The following NLN variants were observed in gnomAD, a reference collection of about 807,000 sequenced individuals.
NLN encodes neurolysin, mitochondrial.
A neutral mutation model predicts 79.9 loss-of-function variants in NLN; 64 were observed. The ratio of observed to expected loss-of-function variants is 0.80; its 90% CI spans 0.65 to 0.99. NLN has a LOEUF of 0.99. Ranked by LOEUF, NLN falls within the 50% of genes least tolerant of loss-of-function variation. The pLI, the probability that NLN is intolerant of heterozygous loss-of-function variation, is 0.00. For missense variants in NLN, 835 were observed against 858.7 expected (o/e 0.97, Z 0.34); for synonymous variants, 267 against 296.6 (o/e 0.90, Z 1.02).
chr5:65,791,870 G>A (rs931561115), intron 8 of NLN, among the ~76,000 whole-genome samples: 1 of 152,184 alleles, frequency 6.6e-6, no homozygotes, highest in Non-Finnish European at 1.5e-5. Flanking sequence ...ATACGACACT[G>A]TACAAGAATA....
In NLN at chr5:65,758,721, G is replaced by A; in HGVS notation, c.196G>A (p.Val66Met). The change falls in exon 2 of 13, where the codon GTG (valine) becomes ATG (methionine). Residue 66 changes from valine to methionine, a missense_variant. Coordinates refer to ENST00000380985, the MANE Select transcript of NLN (RefSeq NM_020726.5). ...TAAAACAAGAACTGAGGAGCTCATT[G>A]TGCAGACCAAACAGGTGTACGATGC... is the stretch of plus-strand genomic sequence containing the variant. ...QIKTRTEELIVQTKQVYDAVG... is the reference protein window; with the variant it reads ...QIKTRTEELIMQTKQVYDAVG... 1 of 1,613,820 alleles carries A rather than the reference G, an allele frequency of 6.2e-7. No homozygotes were observed. Among genetic ancestry groups the A allele is most frequent in the Non-Finnish European group, 8.5e-7 (1 of 1,179,822 alleles).
At chr5:65,802,299 C>T (rs951010723) in intron 9 of NLN, among the ~76,000 whole-genome samples, 9 of 152,212 alleles carry the variant, frequency 5.9e-5, no homozygotes, top group African/African-American at 2.4e-5. Flanking sequence ...CTGGCTATGG[C>T]GGTGCAAGCA....
chr5:65,776,943 A>G (rs540687179), intron 3 of NLN, among the ~76,000 whole-genome samples: 2 of 152,268 alleles, frequency 1.3e-5, no homozygotes, highest in Non-Finnish European at 2.9e-5. Flanking sequence ...GGCTTTATCC[A>G]GCTCTCCCCG....
At chr5:65,757,375 C>G (rs1759242774) in intron 1 of NLN, among the ~76,000 whole-genome samples, 1 of 152,062 alleles carries the variant, frequency 6.6e-6, no homozygotes, top group Admixed American at 6.6e-5. Context: ...TACCTGTGAC[C>G]CTACAACTAG....
At chr5:65,737,973 T>C (rs1384203533) in intron 1 of NLN, among the ~76,000 whole-genome samples, 1 of 151,534 alleles carries the variant, frequency 6.6e-6, no homozygotes. Flanking sequence ...TCTACAAAAA[T>C]TACAAAAATT....
intron 10 of NLN, 22 bp downstream of exon 10, chr5:65,809,723 A>C (rs1760502436): frequency 6.5e-7 from 1 of 1,528,658 alleles, no homozygotes. Context: ...AATTTTAAAA[A>C]GGAAAATAAA....
intron 3 of NLN, among the ~76,000 whole-genome samples, chr5:65,767,508 G>C (rs141539987): frequency 0.02 from 3,080 of 152,228 alleles, 110 homozygotes; most frequent in African/African-American, 0.071. Flanking sequence ...TTTCTCCTAG[G>C]CCTCCAGGCC....
At chr5:65,737,622 A>G (rs1007007058) in intron 1 of NLN, among the ~76,000 whole-genome samples, 9 of 152,196 alleles carry the variant, frequency 5.9e-5, no homozygotes, top group Non-Finnish European at 8.8e-5. Flanking sequence ...TCTAGGGAGT[A>G]TAGGTCTAGA....
intron 1 of NLN, among the ~76,000 whole-genome samples, chr5:65,738,937 T>TATATATA (rs1182904245): frequency 2.6e-5 from 3 of 115,706 alleles, no homozygotes; most frequent in Admixed American, 8.8e-5. Flanking sequence ...TGTATATATA[T>TATATATA]TTTTTATATA....
chr5:65,814,360 T>C (rs1387928149), intron 12 of NLN, among the ~76,000 whole-genome samples: 1 of 152,118 alleles, frequency 6.6e-6, no homozygotes, highest in African/African-American at 2.4e-5. Context: ...GTACTCCCTG[T>C]GTGTTAGACA....
chr5:65,723,247 T>C (rs1204855754), intron 1 of NLN, among the ~76,000 whole-genome samples: 2 of 152,240 alleles, frequency 1.3e-5, no homozygotes, highest in Non-Finnish European at 2.9e-5. Flanking sequence ...CTTTGTAACA[T>C]GTCAGCATTT....
chr5:65,806,663 G>A (rs534118514), intron 9 of NLN, among the ~76,000 whole-genome samples: 2 of 152,318 alleles, frequency 1.3e-5, no homozygotes, highest in South Asian at 4.1e-4. Flanking sequence ...TGGTGAAGAT[G>A]CTATGAATAT....
Position 65,812,249 on chromosome 5 carries a change from T to C in NLN, c.1844-6T>C. ...CACATTGATTGAAATGTATCTTTTT[T>C]TAAAGGCACAAATATGCCAGCTACC... On this transcript the variant is annotated splice_polypyrimidine_tract_variant and splice_region_variant and intron_variant, in intron 11 of 12. Coordinates refer to ENST00000380985, the MANE Select transcript of NLN (RefSeq NM_020726.5). The C allele has an allele frequency of 3.7e-6, 6 of 1,613,028 alleles. No homozygotes were observed. The highest frequency in any genetic ancestry group is 4.2e-6 in the Non-Finnish European group (5 of 1,179,086).
At chr5:65,764,741 T>C (rs1003543166) in intron 3 of NLN, among the ~76,000 whole-genome samples, 1 of 152,208 alleles carries the variant, frequency 6.6e-6, no homozygotes, top group Non-Finnish European at 1.5e-5. Context: ...AATTCTGGTT[T>C]CTATAATTTT....
chr5:65,781,249 G>A lies in NLN; in HGVS notation c.662-12G>A. 1.3e-6 allele frequency: 2 copies of A among 1,593,764 alleles called. No homozygotes were observed. Among genetic ancestry groups the A allele is most frequent in the Non-Finnish European group, 1.7e-6 (2 of 1,167,776 alleles). On this transcript the variant is annotated splice_polypyrimidine_tract_variant and intron_variant, in intron 5 of 12. Coordinates refer to ENST00000380985, the MANE Select transcript of NLN (RefSeq NM_020726.5). ...TGGAAAATTTGATATATGAGAAAAT[G>A]ATTTTTTGCAGGTGCTCTTCCTGAT...
At chr5:65,788,590 C>T (rs955602730) in intron 8 of NLN, 106 bp downstream of exon 8, 31 of 1,133,976 alleles carry the variant, frequency 2.7e-5, no homozygotes, top group Non-Finnish European at 3.7e-5. Flanking sequence ...AATCCCAACA[C>T]TTTGGGAGGC....
At chr5:65,808,117 A>G (rs1479670030) in intron 9 of NLN, among the ~76,000 whole-genome samples, 1 of 152,202 alleles carries the variant, frequency 6.6e-6, no homozygotes, top group East Asian at 1.9e-4. Context: ...TAATTCCACA[A>G]CTAGTGAATT....
At chr5:65,798,801 T>A (rs575742216) in intron 9 of NLN, among the ~76,000 whole-genome samples, 2 of 152,380 alleles carry the variant, frequency 1.3e-5, no homozygotes, top group African/African-American at 4.8e-5. Flanking sequence ...TGCTTATTTC[T>A]TTCATTTGCT....
chr5:65,779,044 C>T (rs548885622), intron 4 of NLN, among the ~76,000 whole-genome samples: 34 of 152,114 alleles, frequency 2.2e-4, no homozygotes, highest in Admixed American at 1.8e-3. Flanking sequence ...ACTACATGGG[C>T]GCTGCAAAGT....
Sources: gnomAD v4.1 joint callset for allele counts (sites outside exome capture counted in the v4.1 genomes callset) on GRCh38, gnomAD v4.1.1 for gene constraint, MANE v1.5 for transcripts, NCBI Gene and HGNC (gene_info 2026-07-23, HGNC 2026-07-21) for gene names.